Variants in PIWIL3 observed in about 807,000 individuals in gnomAD.
PIWIL3 encodes the protein piwi-like protein 3.
Under a neutral mutation model 109.7 loss-of-function variants are expected in PIWIL3, and 101 were observed. That is an observed-to-expected ratio of 0.92 (90% CI 0.78 to 1.09). The LOEUF is 1.09. PIWIL3 is among the 50% of genes least tolerant of loss of function. The pLI is 0.00. For synonymous variants in PIWIL3, 373 were observed against 376.4 expected (o/e 0.99, Z 0.10); for missense variants, 1,031 against 1,072.6 (o/e 0.96, Z 0.54).
chr22:24,745,169 AATG>A (rs903877863), intron 12 of PIWIL3, among the ~76,000 whole-genome samples: 1 of 152,222 alleles, frequency 6.6e-6, no homozygotes, highest in African/African-American at 2.4e-5. Flanking sequence ...TCTTGAAACA[AATG>A]ATAATGAAAC....
At chr22:24,731,432 C>T (rs1280658269) in intron 14 of PIWIL3, among the ~76,000 whole-genome samples, 2 of 151,434 alleles carry the variant, frequency 1.3e-5, no homozygotes, top group African/African-American at 4.9e-5. Context: ...GCGGGCAGAT[C>T]ACAAGGTCAG....
chr22:24,744,272 CA>C (rs1189372645), intron 12 of PIWIL3, among the ~76,000 whole-genome samples: 1 of 142,136 alleles, frequency 7.0e-6, no homozygotes, highest in Non-Finnish European at 1.5e-5. Context: ...AAAATAAAGG[CA>C]TGAAAAAACA....
At chr22:24,757,197 C>T (rs1019943245) in intron 4 of PIWIL3, among the ~76,000 whole-genome samples, 2 of 151,978 alleles carry the variant, frequency 1.3e-5, no homozygotes, top group Admixed American at 6.6e-5. Context: ...TTCAATGAGC[C>T]CTTATGCAAG....
Position 24,751,270 on chromosome 22 carries a change from C to T in PIWIL3, c.1089+117G>A, listed in dbSNP as rs542232544. On this transcript the variant is annotated intron_variant, in intron 9 of 20. Coordinates refer to ENST00000616349, the MANE Select transcript of PIWIL3 (RefSeq NM_001255975.1). ...TAATAGATAAGTCAAGCTATAATCC[C>T]CTAAAAGGAAAATATGTATGTTTAT... The T allele has an allele frequency of 8.3e-5, 90 of 1,085,266 alleles. 1 individual carries two copies. In the South Asian group the frequency reaches 9.9e-4, roughly 12 times the overall value. 67.2% of individuals were successfully genotyped at this position (1,085,266 alleles called of 1,614,324 possible). A position where few individuals can be genotyped will look rare whatever the true frequency, so the allele number is the denominator to read the frequency against.
intron 19 of PIWIL3, among the ~76,000 whole-genome samples, chr22:24,722,225 G>A (rs918204713): frequency 5.9e-5 from 9 of 152,108 alleles, no homozygotes; most frequent in Admixed American, 2.6e-4. Flanking sequence ...TGGGACTACA[G>A]GTGCCCGCCA....
At chr22:24,754,902 G>A (rs1377652930) in intron 6 of PIWIL3, 38 bp from the exon 7 acceptor site, 9 of 1,541,008 alleles carry the variant, frequency 5.8e-6, no homozygotes, top group African/African-American at 1.4e-5. Flanking sequence ...GAAAGTACAG[G>A]GTACATTATT....
At chr22:24,762,776 C>T (rs950552587) in intron 1 of PIWIL3, among the ~76,000 whole-genome samples, 11 of 152,092 alleles carry the variant, frequency 7.2e-5, no homozygotes, top group African/African-American at 2.4e-4. Context: ...AGAAGGGAAA[C>T]GAGAAACTGA....
At chr22:24,760,793 A>G (rs2147717107) in intron 2 of PIWIL3, among the ~76,000 whole-genome samples, 1 of 149,016 alleles carries the variant, frequency 6.7e-6, no homozygotes, top group East Asian at 2.0e-4. Context: ...AAAAAAAAAA[A>G]AAAAAAAAAA....
chr22:24,766,688 G>C (rs570262653), intron 1 of PIWIL3, among the ~76,000 whole-genome samples: 1 of 152,126 alleles, frequency 6.6e-6, no homozygotes, highest in Non-Finnish European at 1.5e-5. Flanking sequence ...CCAGATCCTT[G>C]ATGTACACAT....
chr22:24,724,935 T>A lies in PIWIL3; in HGVS notation c.2183A>T (p.His728Leu), dbSNP rs769688948. 1 of 1,614,186 alleles carries A rather than the reference T, an allele frequency of 6.2e-7. No homozygotes were observed. The highest frequency in any genetic ancestry group is 1.7e-5 in the Admixed American group (1 of 60,024). The change falls in exon 18 of 21, where the codon CAT becomes CTT. Residue 728 changes from histidine to leucine, a missense_variant. His to Leu is a moderately conservative substitution (Grantham distance 99). Coordinates refer to ENST00000616349, the MANE Select transcript of PIWIL3 (RefSeq NM_001255975.1). ...GDGQLQALLD[H>L]EAKKMSTYLK... The stretch of plus-strand genomic sequence containing the variant: ...GTAGGTCGACATCTTTTTCGCTTCA[T>A]GGTCAAGCAATGCTTGAAGCTGACC...
chr22:24,734,033 T>C, intron 14 of PIWIL3, 51 bp downstream of exon 14: 1 of 1,549,892 alleles, frequency 6.5e-7, no homozygotes, highest in Non-Finnish European at 8.7e-7. Flanking sequence ...CTTATCAAGA[T>C]GGTTTGGAAC....
At chr22:24,725,606 C>T in intron 16 of PIWIL3, 91 bp from the exon 17 acceptor site, 2 of 1,242,248 alleles carry the variant, frequency 1.6e-6, no homozygotes, top group Non-Finnish European at 2.3e-6. Context: ...ATATTACTAT[C>T]AGTAGTTAAG....
intron 12 of PIWIL3, among the ~76,000 whole-genome samples, chr22:24,745,812 T>C (rs778908165): frequency 3.3e-5 from 5 of 150,610 alleles, no homozygotes; most frequent in Non-Finnish European, 5.9e-5. Context: ...AAAGGTTCAT[T>C]CCTGGCTACT....
chr22:24,726,604 T>A (rs1025941335), intron 16 of PIWIL3, among the ~76,000 whole-genome samples: 5 of 152,234 alleles, frequency 3.3e-5, no homozygotes, highest in Non-Finnish European at 5.9e-5. Flanking sequence ...ATTTTCATAA[T>A]TTTTTGGAAG....
chr22:24,750,482 A>ATTTTTTTTTTTTTTTT (rs1241174453), intron 9 of PIWIL3, among the ~76,000 whole-genome samples: 3 of 114,296 alleles, frequency 2.6e-5, no homozygotes, highest in Non-Finnish European at 3.6e-5. Flanking sequence ...ACCACATTTG[A>ATTTTTTTTTTTTTTTT]TTTTTTTTCT....
At chr22:24,739,584 C>T (rs117184725) in intron 12 of PIWIL3, among the ~76,000 whole-genome samples, 1 of 151,942 alleles carries the variant, frequency 6.6e-6, no homozygotes, top group African/African-American at 2.4e-5. Context: ...GAATAATATA[C>T]CCAGTAAAAA....
Position 24,754,822 on chromosome 22 carries a change from A to G in PIWIL3, c.735T>C (p.Tyr245=), listed in dbSNP as rs770976450. 1.9e-6 allele frequency: 3 copies of G among 1,613,060 alleles called. No homozygotes were observed. The highest frequency in any genetic ancestry group is 2.5e-6 in the Non-Finnish European group (3 of 1,179,130). Residue 245 remains tyrosine (Y), a synonymous_variant, in exon 7 of 21, where the codon TAT becomes TAC. Transcript: ENST00000616349. ...ACTGAATGGCCTTCTTTTTGGTATA[A>G]TAGTTGCGACCAACTTGTTCAAAAT... ...LLDFEQVGRN[Y]YTKKKAIQLY...
At chr22:24,757,079 C>CAAAA (rs71189275) in intron 4 of PIWIL3, among the ~76,000 whole-genome samples, 301 of 91,442 alleles carry the variant, frequency 3.3e-3, no homozygotes, top group Non-Finnish European at 4.8e-3. Flanking sequence ...AACTCCGTCT[C>CAAAA]AAAAAAAAAA....
chr22:24,763,262 A>G (rs957556953), intron 1 of PIWIL3, among the ~76,000 whole-genome samples: 2 of 151,356 alleles, frequency 1.3e-5, no homozygotes, highest in Non-Finnish European at 2.9e-5. Flanking sequence ...CTCCTGCCTC[A>G]GCCTCCTGAG....
Sources: allele counts gnomAD v4.1 joint callset (sites outside exome capture counted in the v4.1 genomes callset), GRCh38; gene constraint gnomAD v4.1.1; transcripts MANE v1.5; gene names NCBI Gene and HGNC (gene_info 2026-07-23, HGNC 2026-07-21).